DIP2B: variants seen among roughly 807,000 people sequenced by gnomAD.
The protein encoded by DIP2B is disco-interacting protein 2 homolog B.
DIP2B carries 76 observed loss-of-function variants against 198.0 expected under a neutral mutation model. The ratio of observed to expected loss-of-function variants is 0.38; its 90% CI spans 0.32 to 0.46. DIP2B has a LOEUF of 0.46. Among genes scored for constraint, DIP2B ranks in the 20% least tolerant of loss-of-function variants. DIP2B has a pLI of 0.99. For missense variants in DIP2B, 1,559 were observed against 1,978.4 expected, an observed-to-expected ratio of 0.79 and a Z score of 4.02; for synonymous variants, 701 against 739.1, an observed-to-expected ratio of 0.95 and a Z score of 0.84.
At chr12:50,577,486 A>G (rs1057068738) in intron 1 of DIP2B, among the ~76,000 whole-genome samples, 7 of 152,168 alleles carry the variant, frequency 4.6e-5, no homozygotes, top group African/African-American at 1.7e-4. Context: ...GTGAGCTGAA[A>G]TGGTGCCACT....
intron 1 of DIP2B, among the ~76,000 whole-genome samples, chr12:50,616,225 G>A (rs941596243): frequency 2.0e-5 from 3 of 152,212 alleles, no homozygotes; most frequent in African/African-American, 4.8e-5. Flanking sequence ...TTCTTGACAT[G>A]GAAATTGTCT....
intron 1 of DIP2B, among the ~76,000 whole-genome samples, chr12:50,615,803 G>A (rs1426613549): frequency 6.6e-6 from 1 of 152,120 alleles, no homozygotes; most frequent in Non-Finnish European, 1.5e-5. Flanking sequence ...TAAGTAACTT[G>A]TCAAGAAGCA....
At chr12:50,539,071 G>A (rs1317696116) in intron 1 of DIP2B, among the ~76,000 whole-genome samples, 1 of 152,016 alleles carries the variant, frequency 6.6e-6, no homozygotes, top group Non-Finnish European at 1.5e-5. Context: ...AAACGTCTTT[G>A]TCTCATTTGA....
intron 1 of DIP2B, among the ~76,000 whole-genome samples, chr12:50,599,904 C>T (rs1958920514): frequency 6.6e-6 from 1 of 152,140 alleles, no homozygotes; most frequent in Admixed American, 6.6e-5. Flanking sequence ...TTGCTCTTTT[C>T]CTGATCATGT....
intron 2 of DIP2B, among the ~76,000 whole-genome samples, chr12:50,629,784 T>A (rs900820823): frequency 1.3e-5 from 2 of 152,102 alleles, no homozygotes; most frequent in African/African-American, 4.8e-5. Context: ...AACCTGCTCC[T>A]GTGCTTCTAG....
intron 1 of DIP2B, among the ~76,000 whole-genome samples, chr12:50,546,142 A>G (rs1003837671): frequency 6.6e-6 from 1 of 152,224 alleles, no homozygotes; most frequent in African/African-American, 2.4e-5. Context: ...TTCACATAAG[A>G]TGGAGACAGC....
intron 1 of DIP2B, among the ~76,000 whole-genome samples, chr12:50,547,500 CAACTT>C (rs1234344805): frequency 3.9e-5 from 6 of 152,078 alleles, no homozygotes; most frequent in Admixed American, 6.6e-5. Context: ...AAGATGGAAA[CAACTT>C]AAACACTTGT....
chr12:50,529,084 A>C (rs1958192714), intron 1 of DIP2B, among the ~76,000 whole-genome samples: 1 of 152,186 alleles, frequency 6.6e-6, no homozygotes. Flanking sequence ...AGGACATGGC[A>C]GTACTTTCTT....
At chr12:50,694,555 A>G (rs374858538) in intron 14 of DIP2B, among the ~76,000 whole-genome samples, 1 of 112,086 alleles carries the variant, frequency 8.9e-6, no homozygotes, top group Admixed American at 9.2e-5. Context: ...ATACATACAT[A>G]CATACACCAG....
chr12:50,651,790 G>A (rs1938457772), intron 3 of DIP2B, among the ~76,000 whole-genome samples: 1 of 152,018 alleles, frequency 6.6e-6, no homozygotes. Flanking sequence ...GGCTGGTCTG[G>A]AACTCCTGGA....
At position 50,748,240 on chromosome 12, in the gene DIP2B, A is replaced by G. The variant is rs937943953; in HGVS notation, c.*3401A>G. The G allele has an allele frequency of 2.6e-5, 4 of 152,618 alleles. No individual in the cohort carries two copies. Among genetic ancestry groups the G allele is most frequent in the Admixed American group, 2.0e-4 (3 of 15,260 alleles). The allele number at this position is 152,618 out of a possible 1,614,324, so 9.5% of individuals were successfully genotyped here. On this transcript the variant is annotated 3_prime_UTR_variant, in exon 38 of 38. Transcript: ENST00000301180. ...ATGAGGAGTTATCACCTCATCCTCA[A>G]ACTCCAACAAGATCTATGCCTTAGT...
intron 10 of DIP2B, 24 bp from the exon 11 acceptor site, chr12:50,685,809 A>G (rs1488020290): frequency 6.2e-7 from 1 of 1,610,062 alleles, no homozygotes; most frequent in Non-Finnish European, 8.5e-7. Flanking sequence ...TCCCCTACCT[A>G]TGTTCATTAT....
rs1938550295 is a variant in DIP2B, at chr12:50,656,113, T to C, written c.302-4081T>C. ...GTGGAAAGAGGGAAAATTAGAATGA[T>C]ATTGAATTGGAAATGGAGGTATTAA... On this transcript the variant is annotated intron_variant, in intron 3 of 37. Coordinates refer to ENST00000301180, the MANE Select transcript of DIP2B (RefSeq NM_173602.3). 1.3e-5 allele frequency among the ~76,000 whole-genome samples: 2 copies of C among 152,174 alleles called. 1 individual carries two copies. The highest frequency in any genetic ancestry group is 4.1e-4 in the South Asian group (2 of 4,826).
chr12:50,566,794 C>G (rs1958567449), intron 1 of DIP2B, among the ~76,000 whole-genome samples: 1 of 151,862 alleles, frequency 6.6e-6, no homozygotes, highest in South Asian at 2.1e-4. Context: ...ACGGTGAAAC[C>G]CCGTCTCTAC....
intron 19 of DIP2B, among the ~76,000 whole-genome samples, chr12:50,701,644 A>T (rs537608631): frequency 1.3e-5 from 2 of 152,180 alleles, no homozygotes; most frequent in Admixed American, 1.3e-4. Context: ...TCGGCGTCCC[A>T]AAGTGCTGGG....
intron 1 of DIP2B, among the ~76,000 whole-genome samples, chr12:50,565,462 A>T (rs1958555866): frequency 6.6e-6 from 1 of 152,022 alleles, no homozygotes. Context: ...CGCCCGGCTA[A>T]TTGTTTTGTA....
At chr12:50,513,968 G>A (rs1011867220) in intron 1 of DIP2B, among the ~76,000 whole-genome samples, 2 of 151,052 alleles carry the variant, frequency 1.3e-5, no homozygotes, top group African/African-American at 4.9e-5. Context: ...TGGTCTGATT[G>A]TAGTCTCTTT....
chr12:50,705,183 C>T (rs896635548), intron 20 of DIP2B, among the ~76,000 whole-genome samples: 1 of 152,130 alleles, frequency 6.6e-6, no homozygotes, highest in South Asian at 2.1e-4. Flanking sequence ...CCATATTACT[C>T]CATTCATCTC....
chr12:50,697,849 A>T (rs1162299582), intron 17 of DIP2B, among the ~76,000 whole-genome samples: 1 of 151,888 alleles, frequency 6.6e-6, no homozygotes, highest in Admixed American at 6.6e-5. Context: ...ATACTTGATG[A>T]TGATGATAAA....
Sources: allele counts gnomAD v4.1 joint callset (sites outside exome capture counted in the v4.1 genomes callset), GRCh38; gene constraint gnomAD v4.1.1; transcripts MANE v1.5; gene names NCBI Gene and HGNC (gene_info 2026-07-23, HGNC 2026-07-21).